PIK3CG: variants seen among roughly 807,000 people sequenced by gnomAD.
PIK3CG encodes phosphatidylinositol-4,5-bisphosphate 3-kinase catalytic subunit gamma.
Under a neutral mutation model 102.3 loss-of-function variants are expected in PIK3CG, and 55 were observed. The ratio of observed to expected loss-of-function variants is 0.54; its 90% CI spans 0.43 to 0.67. PIK3CG has a LOEUF of 0.67. Among genes scored for constraint, PIK3CG ranks in the 30% least tolerant of loss-of-function variants. The pLI is 0.00. For synonymous variants in PIK3CG, 552 were observed against 540.0 expected (o/e 1.02, Z -0.31); for missense variants, 1,258 against 1,391.8 (o/e 0.90, Z 1.53).
At position 106,908,226 on chromosome 7, in the gene PIK3CG, C is replaced by G. The variant is rs1273761049; in HGVS notation, c.*2839C>G. Among the ~76,000 whole-genome samples the G allele has an allele frequency of 6.6e-6, 1 of 152,144 alleles. No individual in the cohort carries two copies. The highest frequency in any genetic ancestry group is 1.5e-5 in the Non-Finnish European group (1 of 68,026). ...CGAGATGGCAACAGCAGTTGTCACA[C>G]CAAGCACAGTGCCCTTCTGAGCATG... On this transcript the variant is annotated 3_prime_UTR_variant, in exon 11 of 11. Transcript: ENST00000496166. The surrounding 1 kb of genome is among the most constrained non-coding windows in gnomAD (Gnocchi z 4.1).
chr7:106,900,111 A>G (rs980925019), intron 10 of PIK3CG, among the ~76,000 whole-genome samples: 1 of 151,986 alleles, frequency 6.6e-6, no homozygotes, highest in Non-Finnish European at 1.5e-5. Context: ...GAATGTATCC[A>G]TCTCTTCTAG....
Position 106,905,662 on chromosome 7 carries a change from C to T in PIK3CG, c.*275C>T, listed in dbSNP as rs1158247877. On this transcript the variant is annotated 3_prime_UTR_variant, in exon 11 of 11. Transcript: ENST00000496166. The surrounding 1 kb of genome is among the most constrained non-coding windows in gnomAD (Gnocchi z 5.6). ...ATTCTCGGTTTAAACAGACTAATGA[C>T]TTCCTTATTGTCCCTGATATTTTGA... 2.5e-6 allele frequency: 1 copy of T among 407,598 alleles called. No individual in the cohort carries two copies. The highest frequency in any genetic ancestry group is 4.6e-5 in the South Asian group (1 of 21,690). The allele number at this position is 407,598 out of a possible 1,614,324, so 25.2% of individuals were successfully genotyped here.
chr7:106,901,618 G>A (rs1217468175), intron 10 of PIK3CG, among the ~76,000 whole-genome samples: 1 of 152,168 alleles, frequency 6.6e-6, no homozygotes, highest in Admixed American at 6.5e-5. Context: ...TGGTTGTTTG[G>A]AGGACATATG....
rs1414774107 is a variant in PIK3CG, at chr7:106,884,077, C to T, written c.2761-78C>T. 3.6e-6 allele frequency: 4 copies of T among 1,105,014 alleles called. No homozygotes were observed. The highest frequency in any genetic ancestry group is 1.3e-5 in the South Asian group (1 of 74,704). The allele number at this position is 1,105,014 out of a possible 1,614,324, so 68.5% of individuals were successfully genotyped here. On this transcript the variant is annotated intron_variant, in intron 8 of 10. Transcript: ENST00000496166. This position sits in a 1 kb window ranked among gnomAD's most constrained non-coding sequence, Gnocchi z 4.2. The stretch of plus-strand genomic sequence containing the variant: ...CTGAAAATGGTTTCCAGAATATTCT[C>T]TTTTTAGAAGTCATTTGTAGATTCA...
chr7:106,884,644 CA>C lies in PIK3CG; in HGVS notation c.2872+379del, dbSNP rs1405502038. 3.9e-5 allele frequency among the ~76,000 whole-genome samples: 6 copies of C among 152,292 alleles called. No individual in the cohort carries two copies. The East Asian group carries it at 1.2e-3, about 29-fold the overall frequency. The stretch of plus-strand genomic sequence containing the variant: ...TCTTGGAAGACACCTTTTCCACGGA[CA>C]GGGGTGGGGGAGCAAGGATGGTTTC... On this transcript the variant is annotated intron_variant, in intron 9 of 10. Coordinates refer to ENST00000496166, the MANE Select transcript of PIK3CG (RefSeq NM_001282426.2). The surrounding 1 kb of genome is among the most constrained non-coding windows in gnomAD (Gnocchi z 4.2).
chr7:106,898,692 TG>T (rs2116600241), intron 10 of PIK3CG, among the ~76,000 whole-genome samples: 1 of 152,302 alleles, frequency 6.6e-6, no homozygotes, highest in South Asian at 2.1e-4. Flanking sequence ...CAGTCATAGA[TG>T]TGTGGCCTTA....
At position 106,868,023 on chromosome 7, in the gene PIK3CG, C is replaced by T. The variant is rs773368793; in HGVS notation, c.462C>T (p.Leu154=). 3.1e-6 allele frequency: 5 copies of T among 1,612,104 alleles called. No homozygotes were observed. The highest frequency in any genetic ancestry group is 3.4e-6 in the Non-Finnish European group (4 of 1,179,084). The part of the protein sequence containing the change: ...SEESQAFQRQ[L]TALIGYDVTD... The stretch of plus-strand genomic sequence containing the variant: ...AGTCCCAAGCCTTCCAGCGGCAGCT[C>T]ACGGCGCTGATTGGCTATGACGTCA... The change falls in exon 2 of 11, where the codon CTC becomes CTT. Residue 154 remains leucine, a synonymous_variant. Transcript: ENST00000496166. The surrounding 1 kb of genome is among the most constrained non-coding windows in gnomAD (Gnocchi z 6.2).
chr7:106,896,511 A>G (rs1171267818), intron 10 of PIK3CG, among the ~76,000 whole-genome samples: 2 of 152,232 alleles, frequency 1.3e-5, no homozygotes, highest in African/African-American at 4.8e-5. Context: ...CTTAGCCTGT[A>G]TAATTACTAA....
In PIK3CG at chr7:106,874,601, A is replaced by G; in HGVS notation, c.2288-99A>G. 2 of 837,534 alleles carry G rather than the reference A, an allele frequency of 2.4e-6. No individual in the cohort carries two copies. Among genetic ancestry groups the G allele is most frequent in the Non-Finnish European group, 3.8e-6 (2 of 520,618 alleles). 51.9% of individuals were successfully genotyped at this position (837,534 alleles called of 1,614,324 possible). Reference sequence around the variant, plus strand: ...TCCTGCTCTACACCAGAACAAATATATAGAATGCTATGAATAAATGTGTTC... The same window carrying G: ...TCCTGCTCTACACCAGAACAAATATGTAGAATGCTATGAATAAATGTGTTC... On this transcript the variant is annotated intron_variant, in intron 4 of 10. Coordinates refer to ENST00000496166, the MANE Select transcript of PIK3CG (RefSeq NM_001282426.2). This position sits in a 1 kb window ranked among gnomAD's most constrained non-coding sequence, Gnocchi z 4.3.
Position 106,905,440 on chromosome 7 carries a change from T to C in PIK3CG, c.*53T>C. The C allele has an allele frequency of 2.0e-6, 3 of 1,512,868 alleles. No individual in the cohort carries two copies. Among genetic ancestry groups the C allele is most frequent in the Non-Finnish European group, 2.7e-6 (3 of 1,112,138 alleles). 93.7% of individuals were successfully genotyped at this position (1,512,868 alleles called of 1,614,324 possible). Reference sequence around the variant, plus strand: ...TAGTGTTCTATGGTTTAAATTAGCATAGCAATCATCGAACTTGGATTTCAA... The same window carrying C: ...TAGTGTTCTATGGTTTAAATTAGCACAGCAATCATCGAACTTGGATTTCAA... On this transcript the variant is annotated 3_prime_UTR_variant, in exon 11 of 11. Coordinates refer to ENST00000496166, the MANE Select transcript of PIK3CG (RefSeq NM_001282426.2). This position sits in a 1 kb window ranked among gnomAD's most constrained non-coding sequence, Gnocchi z 5.6.
At position 106,905,652 on chromosome 7, in the gene PIK3CG, A is replaced by G; in HGVS notation, c.*265A>G. The G allele has an allele frequency of 2.2e-6, 1 of 445,770 alleles. No homozygotes were observed. Among genetic ancestry groups the G allele is most frequent in the Middle Eastern group, 5.7e-4 (1 of 1,750 alleles). The allele number at this position is 445,770 out of a possible 1,614,324, so 27.6% of individuals were successfully genotyped here. ...ATTGGAGAATATTCTCGGTTTAAACAGACTAATGACTTCCTTATTGTCCCT... is the reference window on the plus strand; with the variant it reads ...ATTGGAGAATATTCTCGGTTTAAACGGACTAATGACTTCCTTATTGTCCCT... On this transcript the variant is annotated 3_prime_UTR_variant, in exon 11 of 11. Coordinates refer to ENST00000496166, the MANE Select transcript of PIK3CG (RefSeq NM_001282426.2). The surrounding 1 kb of genome is among the most constrained non-coding windows in gnomAD (Gnocchi z 5.6).
rs1268570846 is a variant in PIK3CG, at chr7:106,882,155, T to C, written c.2577T>C (p.Ser859=). Residue 859 remains serine (S), a synonymous_variant, in exon 7 of 11, where the codon TCT becomes TCC. Coordinates refer to ENST00000496166, the MANE Select transcript of PIK3CG (RefSeq NM_001282426.2). ...TGGAGTCTATTTGGGAGACTGAATC[T>C]TTGGATCTATGCCTCCTGCCATATG... ...RIMESIWETE[S]LDLCLLPYGC... 11 of 1,574,406 alleles carry C rather than the reference T, an allele frequency of 7.0e-6. No individual in the cohort carries two copies. The highest frequency in any genetic ancestry group is 9.5e-6 in the Non-Finnish European group (11 of 1,160,146).
rs1218394549 is a variant in PIK3CG, at chr7:106,868,263, G to A, written c.702G>A (p.Lys234=). 2.3e-5 allele frequency: 37 copies of A among 1,613,610 alleles called. No individual in the cohort carries two copies. The highest frequency in any genetic ancestry group is 3.1e-5 in the Non-Finnish European group (37 of 1,180,042). The change falls in exon 2 of 11, where the codon AAG becomes AAA. Residue 234 remains lysine, a synonymous_variant. Transcript: ENST00000496166. This position sits in a 1 kb window ranked among gnomAD's most constrained non-coding sequence, Gnocchi z 6.2. ...GCAGCACCACCAGCCAGACCATTAA[G>A]GTCTCACCCGACGACACCCCCGGCG... The part of the protein sequence containing the change: ...IHRSTTSQTI[K]VSPDDTPGAI...
rs371382613 is a variant in PIK3CG at position 106,882,108 on chromosome 7, G to T, written c.2539-9G>T. 1.4e-6 allele frequency: 2 copies of T among 1,400,534 alleles called. No homozygotes were observed. The highest frequency in any genetic ancestry group is 1.9e-6 in the Non-Finnish European group (2 of 1,049,944). The allele number at this position is 1,400,534 out of a possible 1,614,324, so 86.8% of individuals were successfully genotyped here. A position where few individuals can be genotyped will look rare whatever the true frequency, so the allele number is the denominator to read the frequency against. ...TATAATATAAACATTTCTGTGTTTC[G>T]ATGCCCAGATTCTACGAATCATGGA... is the stretch of plus-strand genomic sequence containing the variant. On this transcript the variant is annotated splice_polypyrimidine_tract_variant and intron_variant, in intron 6 of 10. Transcript: ENST00000496166.
intron 10 of PIK3CG, among the ~76,000 whole-genome samples, chr7:106,900,155 T>C (rs1299637289): frequency 6.6e-6 from 1 of 152,162 alleles, no homozygotes; most frequent in African/African-American, 2.4e-5. Flanking sequence ...TGTAGTAGTT[T>C]CTGATGGTTG....
In PIK3CG at chr7:106,869,517, G is replaced by T. The variant is rs1189847916; in HGVS notation, c.1956G>T (p.Glu652Asp). 2 of 1,613,642 alleles carry T rather than the reference G, an allele frequency of 1.2e-6. No individual in the cohort carries two copies. The highest frequency in any genetic ancestry group is 1.7e-6 in the Non-Finnish European group (2 of 1,179,706). Reference sequence around the variant, plus strand: ...CAGTTCAGAAACTGGAGAGCTTGGAGGACGATGATGTTCTGCATTACCTTC... The same window carrying T: ...CAGTTCAGAAACTGGAGAGCTTGGATGACGATGATGTTCTGCATTACCTTC... ...AIAVQKLESLEDDDVLHYLLQ... is the reference protein window; with the variant it reads ...AIAVQKLESLDDDDVLHYLLQ... Residue 652 changes from glutamate (E) to aspartate (D), a missense_variant, in exon 2 of 11, where the codon GAG (glutamate) becomes GAT (aspartate). Glu to Asp is a conservative substitution (Grantham distance 45). Around this residue, in one of 2 missense-constraint regions of PIK3CG, gnomAD observed 426 missense variants for 604.2 expected, o/e 0.71. Coordinates refer to ENST00000496166, the MANE Select transcript of PIK3CG (RefSeq NM_001282426.2). The surrounding 1 kb of genome is among the most constrained non-coding windows in gnomAD (Gnocchi z 5.3).
chr7:106,889,845 C>G (rs569273284), intron 10 of PIK3CG, among the ~76,000 whole-genome samples: 3 of 152,262 alleles, frequency 2.0e-5, no homozygotes, highest in South Asian at 4.1e-4. Context: ...AGTTCAGGAA[C>G]AAGCTATAAT....
At position 106,891,339 on chromosome 7, in the gene PIK3CG, G is replaced by A. The variant is rs768090250; in HGVS notation, c.3030+5047G>A. Among the ~76,000 whole-genome samples the A allele has an allele frequency of 2.6e-5, 4 of 152,282 alleles. No individual in the cohort carries two copies. The highest frequency in any genetic ancestry group is 1.9e-4 in the East Asian group (1 of 5,186). Reference sequence around the variant, plus strand: ...GCCTTCAGGAGGCAGGTTAACATGCGTACATTGGATGAGGAACTAAATCCA... The same window carrying A: ...GCCTTCAGGAGGCAGGTTAACATGCATACATTGGATGAGGAACTAAATCCA... On this transcript the variant is annotated intron_variant, in intron 10 of 10. Coordinates refer to ENST00000496166, the MANE Select transcript of PIK3CG (RefSeq NM_001282426.2). The surrounding 1 kb of genome is among the most constrained non-coding windows in gnomAD (Gnocchi z 4.4).
intron 9 of PIK3CG, among the ~76,000 whole-genome samples, chr7:106,885,801 A>G (rs1301249571): frequency 6.6e-6 from 1 of 152,142 alleles, no homozygotes; most frequent in East Asian, 1.9e-4. Context: ...GAGTTGCGTA[A>G]AGAGCATAAG....
Sources: gnomAD v4.1 joint callset for allele counts (sites outside exome capture counted in the v4.1 genomes callset) on GRCh38, gnomAD v4.1.1 for gene constraint, gnomAD v4.1.1 regional missense constraint, Gnocchi (gnomAD v3.1) non-coding constraint, MANE v1.5 for transcripts, NCBI Gene and HGNC (gene_info 2026-07-23, HGNC 2026-07-21) for gene names.